Variants in PPP3CA observed in about 807,000 individuals in gnomAD.
The protein encoded by PPP3CA is protein phosphatase 3 catalytic subunit alpha.
In PPP3CA, 14 loss-of-function variants were observed where a neutral mutation model predicts 66.5. The ratio of observed to expected loss-of-function variants is 0.21; its 90% confidence interval spans 0.14 to 0.33. The LOEUF is 0.33. Ranked by LOEUF, PPP3CA falls within the 10% of genes least tolerant of loss-of-function variation. PPP3CA has a pLI of 1.00. For missense variants in PPP3CA, 317 were observed against 639.5 expected (o/e 0.50, Z 5.44); for synonymous variants, 232 against 226.2 (o/e 1.03, Z -0.23).
At chr4:101,264,500 A>T (rs1727109329) in intron 1 of PPP3CA, among the ~76,000 whole-genome samples, 1 of 152,344 alleles carries the variant, frequency 6.6e-6, no homozygotes, top group East Asian at 1.9e-4. Context: ...AAGGAAGGAA[A>T]AACATTTCCT....
rs554632775 is a variant in PPP3CA at position 101,083,796 on chromosome 4, C to G, written c.783-533G>C. Reference sequence around the variant, plus strand: ...AGACTCCTCCCATACGGTGGGAAATCAAGTTATTGCTTTATCTAACATTAT... The same window carrying G: ...AGACTCCTCCCATACGGTGGGAAATGAAGTTATTGCTTTATCTAACATTAT... On this transcript the variant is annotated intron_variant, in intron 6 of 13. Coordinates refer to ENST00000394854, the MANE Select transcript of PPP3CA (RefSeq NM_000944.5). Among the ~76,000 whole-genome samples the G allele has an allele frequency of 4.6e-5, 7 of 152,280 alleles. No homozygotes were observed. The South Asian group carries it at 1.5e-3, about 32-fold the overall frequency.
chr4:101,077,339 C>T (rs192754140), intron 8 of PPP3CA, among the ~76,000 whole-genome samples: 182 of 152,300 alleles, frequency 1.2e-3, no homozygotes, highest in Non-Finnish European at 2.0e-3. Context: ...CATACTGTAA[C>T]TAACAGGTTA....
chr4:101,092,385 T>G (rs1271553421), intron 6 of PPP3CA, among the ~76,000 whole-genome samples: 1 of 151,824 alleles, frequency 6.6e-6, no homozygotes, highest in Non-Finnish European at 1.5e-5. Flanking sequence ...TGTGATAACA[T>G]AATTGAATTA....
At chr4:101,075,102 GA>G (rs920583550) in intron 8 of PPP3CA, among the ~76,000 whole-genome samples, 1 of 152,138 alleles carries the variant, frequency 6.6e-6, no homozygotes, top group African/African-American at 2.4e-5. Context: ...CAGTATGGGG[GA>G]AACCACTTCC....
intron 1 of PPP3CA, among the ~76,000 whole-genome samples, chr4:101,296,219 G>A (rs1035703081): frequency 6.6e-6 from 1 of 152,040 alleles, no homozygotes; most frequent in Non-Finnish European, 1.5e-5. Flanking sequence ...AAATTCAATA[G>A]ATTTAAATTA....
chr4:101,238,697 T>C (rs1726205023), intron 1 of PPP3CA, among the ~76,000 whole-genome samples: 1 of 152,024 alleles, frequency 6.6e-6, no homozygotes, highest in South Asian at 2.1e-4. Context: ...TCAATATTTA[T>C]CTCAGGCCAC....
At chr4:101,052,727 G>A (rs1006198386) in intron 10 of PPP3CA, among the ~76,000 whole-genome samples, 2 of 151,904 alleles carry the variant, frequency 1.3e-5, no homozygotes, top group African/African-American at 4.8e-5. Flanking sequence ...AAAAATATAA[G>A]AGATGTCAAA....
At chr4:101,032,180 A>G in intron 12 of PPP3CA, 87 bp downstream of exon 12, 2 of 1,036,502 alleles carry the variant, frequency 1.9e-6, no homozygotes, top group Non-Finnish European at 2.7e-6. Context: ...ACCAAGACAG[A>G]GCTTAAATGA....
intron 10 of PPP3CA, among the ~76,000 whole-genome samples, chr4:101,057,522 A>G (rs2110222453): frequency 6.6e-6 from 1 of 152,296 alleles, no homozygotes; most frequent in East Asian, 1.9e-4. Context: ...CGATCTCTAA[A>G]GTCCTCAATG....
intron 1 of PPP3CA, among the ~76,000 whole-genome samples, chr4:101,323,657 T>C (rs945115964): frequency 1.3e-5 from 2 of 152,300 alleles, no homozygotes; most frequent in East Asian, 1.9e-4. Flanking sequence ...CCCTTTCTCT[T>C]TGAGGTAGGG....
chr4:101,346,323 A>G (rs1729992312), intron 1 of PPP3CA, among the ~76,000 whole-genome samples: 1 of 151,480 alleles, frequency 6.6e-6, no homozygotes, highest in African/African-American at 2.4e-5. Context: ...GCCATCAATC[A>G]CCCCTCCCTC....
At chr4:101,173,438 C>T (rs1456342797) in intron 2 of PPP3CA, among the ~76,000 whole-genome samples, 5 of 151,860 alleles carry the variant, frequency 3.3e-5, no homozygotes, top group South Asian at 2.1e-4. Flanking sequence ...AACACTAGGT[C>T]GTTTCTGCAA....
At chr4:101,131,190 C>G (rs940838716) in intron 2 of PPP3CA, among the ~76,000 whole-genome samples, 1 of 151,342 alleles carries the variant, frequency 6.6e-6, no homozygotes, top group Non-Finnish European at 1.5e-5. Context: ...GAACCAAGAT[C>G]GCGCCATTGT....
At chr4:101,124,725 G>GAGAGAGAGAGAGAGAA (rs1722167316) in intron 2 of PPP3CA, among the ~76,000 whole-genome samples, 1 of 58,768 alleles carries the variant, frequency 1.7e-5, no homozygotes, top group Non-Finnish European at 3.8e-5. Context: ...AAGAAAGAAA[G>GAGAGAGAGAGAGAGAA]AGAAAGAAAG....
intron 3 of PPP3CA, among the ~76,000 whole-genome samples, chr4:101,103,480 A>C (rs923410334): frequency 2.6e-5 from 4 of 152,224 alleles, no homozygotes; most frequent in Non-Finnish European, 5.9e-5. Flanking sequence ...GACTGGCTAC[A>C]GGGAGACAGC....
intron 2 of PPP3CA, among the ~76,000 whole-genome samples, chr4:101,126,473 A>T (rs1227423258): frequency 6.6e-6 from 1 of 152,198 alleles, no homozygotes; most frequent in Non-Finnish European, 1.5e-5. Flanking sequence ...TTTTACTAAG[A>T]TACAAAAGAT....
chr4:101,305,972 TAGG>T (rs1012860876), intron 1 of PPP3CA, among the ~76,000 whole-genome samples: 1 of 151,964 alleles, frequency 6.6e-6, no homozygotes, highest in African/African-American at 2.4e-5. Context: ...TACAGTGAAG[TAGG>T]AGATTTTTTT....
chr4:101,101,577 T>C (rs1730443844), intron 3 of PPP3CA, among the ~76,000 whole-genome samples: 1 of 152,206 alleles, frequency 6.6e-6, no homozygotes, highest in Admixed American at 6.5e-5. Flanking sequence ...ATATATTTCA[T>C]TTATATGCTG....
intron 2 of PPP3CA, among the ~76,000 whole-genome samples, chr4:101,129,248 C>G (rs950732784): frequency 6.6e-6 from 1 of 152,178 alleles, no homozygotes; most frequent in East Asian, 1.9e-4. Flanking sequence ...CAGCCCCAGT[C>G]AGGGGCTTAT....
Sources: allele counts gnomAD v4.1 joint callset (sites outside exome capture counted in the v4.1 genomes callset), GRCh38; gene constraint gnomAD v4.1.1; transcripts MANE v1.5; gene names NCBI Gene and HGNC (gene_info 2026-07-23, HGNC 2026-07-21).